The following THSD7B variants were observed in gnomAD, a reference collection of about 807,000 sequenced individuals.
THSD7B encodes thrombospondin type 1 domain containing 7B, also known as thrombospondin type-1 domain-containing protein 7B.
Under a neutral mutation model 213.6 loss-of-function variants are expected in THSD7B, and 138 were observed. The observed-to-expected ratio is 0.65, with a 90% CI of 0.56 to 0.74. THSD7B has a LOEUF of 0.74. Ranked by LOEUF, THSD7B falls within the 30% of genes least tolerant of loss-of-function variation. The probability of loss-of-function intolerance (pLI) is 0.00; values close to 1 mark genes in which losing one functional copy is unlikely to be tolerated. For missense variants in THSD7B, 1,931 were observed against 1,991.5 expected (o/e 0.97, Z 0.58); for synonymous variants, 742 against 687.0 (o/e 1.08, Z -1.25).
At chr2:137,534,905 A>G (rs1214920702) in intron 15 of THSD7B, among the ~76,000 whole-genome samples, 2 of 151,820 alleles carry the variant, frequency 1.3e-5, no homozygotes, top group Admixed American at 1.3e-4. Context: ...TTCACAAGAA[A>G]AATATAGACA....
chr2:136,982,447 A>G (rs1287927345), intron 2 of THSD7B, among the ~76,000 whole-genome samples: 4 of 152,156 alleles, frequency 2.6e-5, no homozygotes, highest in African/African-American at 9.7e-5. Flanking sequence ...CAGGATTATA[A>G]GCATGAACCA....
At chr2:137,524,162 C>T (rs146577396) in intron 15 of THSD7B, among the ~76,000 whole-genome samples, 108 of 152,198 alleles carry the variant, frequency 7.1e-4, no homozygotes, top group African/African-American at 2.4e-3. Flanking sequence ...GGCATCAAGA[C>T]CTCATTTTAA....
At chr2:137,195,666 A>G (rs1019275044) in intron 7 of THSD7B, among the ~76,000 whole-genome samples, 2 of 152,146 alleles carry the variant, frequency 1.3e-5, no homozygotes, top group African/African-American at 4.8e-5. Flanking sequence ...GAATAAATAG[A>G]TAAATAAGTG....
intron 1 of THSD7B, among the ~76,000 whole-genome samples, chr2:136,837,064 G>T (rs1197503695): frequency 6.6e-6 from 1 of 152,110 alleles, no homozygotes; most frequent in Non-Finnish European, 1.5e-5. Context: ...TATCTTCCTA[G>T]GTTGGATTGG....
chr2:136,827,469 G>A (rs990600955), intron 1 of THSD7B, among the ~76,000 whole-genome samples: 2 of 152,166 alleles, frequency 1.3e-5, no homozygotes, highest in Admixed American at 6.6e-5. Flanking sequence ...GAGGATGAAA[G>A]CAGTGTCTTA....
chr2:137,360,839 G>C (rs1685239731), intron 12 of THSD7B, among the ~76,000 whole-genome samples: 2 of 152,194 alleles, frequency 1.3e-5, no homozygotes, highest in Non-Finnish European at 2.9e-5. Flanking sequence ...TTGTCTGACA[G>C]CTCTGAAGAG....
At chr2:136,894,546 G>T (rs1456539134) in intron 2 of THSD7B, among the ~76,000 whole-genome samples, 1 of 152,142 alleles carries the variant, frequency 6.6e-6, no homozygotes, top group Non-Finnish European at 1.5e-5. Context: ...GATATTCTAT[G>T]TTACATACTG....
intron 2 of THSD7B, among the ~76,000 whole-genome samples, chr2:136,974,426 A>G (rs147124977): frequency 0.017 from 2,490 of 150,476 alleles, 35 homozygotes; most frequent in Middle Eastern, 0.02. Flanking sequence ...TTCAGCTCCC[A>G]TTTATAAGTG....
intron 17 of THSD7B, among the ~76,000 whole-genome samples, chr2:137,572,838 A>G (rs1257907396): frequency 3.9e-5 from 6 of 152,144 alleles, no homozygotes; most frequent in Admixed American, 3.3e-4. Flanking sequence ...CTGTGCACCC[A>G]TTGTGAAAGG....
intron 16 of THSD7B, among the ~76,000 whole-genome samples, chr2:137,570,632 G>T (rs62168017): frequency 0.09 from 13,754 of 152,154 alleles, 793 homozygotes; most frequent in Middle Eastern, 0.18. Context: ...GCTCTTTAGC[G>T]TATTGTTATT....
intron 7 of THSD7B, among the ~76,000 whole-genome samples, chr2:137,221,240 T>C (rs1681363338): frequency 6.6e-6 from 1 of 152,094 alleles, no homozygotes; most frequent in African/African-American, 2.4e-5. Flanking sequence ...TGAGCCGAGA[T>C]TGCGCCACTG....
intron 15 of THSD7B, among the ~76,000 whole-genome samples, chr2:137,531,020 C>T (rs367968387): frequency 2.0e-5 from 3 of 152,088 alleles, no homozygotes; most frequent in South Asian, 4.1e-4. Context: ...AAAGCATTTT[C>T]GTAGCCTACA....
chr2:137,581,500 C>G (rs762933036), intron 17 of THSD7B, among the ~76,000 whole-genome samples: 119 of 152,008 alleles, frequency 7.8e-4, no homozygotes, highest in Non-Finnish European at 1.2e-3. Flanking sequence ...AGGCAGGACA[C>G]ACGGGAGGCT....
chr2:137,037,316 G>T (rs1032991298), intron 2 of THSD7B, among the ~76,000 whole-genome samples: 1 of 151,840 alleles, frequency 6.6e-6, no homozygotes, highest in Admixed American at 6.6e-5. Context: ...ATATTAAGAC[G>T]ATCTAAATAT....
At chr2:137,322,774 A>G (rs2104881167) in intron 12 of THSD7B, among the ~76,000 whole-genome samples, 1 of 152,298 alleles carries the variant, frequency 6.6e-6, no homozygotes, top group East Asian at 1.9e-4. Context: ...TGTGCCGTAG[A>G]ATACTCTCTA....
chr2:137,194,285 G>A lies in THSD7B; in HGVS notation c.1723+23347G>A, dbSNP rs200231194. Among the ~76,000 whole-genome samples the A allele has an allele frequency of 2.0e-5, 3 of 152,270 alleles. No individual in the cohort carries two copies. The East Asian group carries it at 5.8e-4, about 29-fold the overall frequency. On this transcript the variant is annotated intron_variant, in intron 7 of 27. Transcript: ENST00000409968. ...AAAGGGGCGTGCTGTAGAAAAGAAAGGGCAGGAGAACTTAGCAGCAGTCCT... is the reference window on the plus strand; with the variant it reads ...AAAGGGGCGTGCTGTAGAAAAGAAAAGGCAGGAGAACTTAGCAGCAGTCCT...
At chr2:137,515,859 A>C (rs1471156530) in intron 15 of THSD7B, among the ~76,000 whole-genome samples, 2 of 152,132 alleles carry the variant, frequency 1.3e-5, no homozygotes, top group Non-Finnish European at 1.5e-5. Flanking sequence ...TGGATTACTC[A>C]CTCCAGACCT....
intron 3 of THSD7B, among the ~76,000 whole-genome samples, chr2:137,060,652 G>C (rs1687253348): frequency 2.0e-5 from 3 of 151,744 alleles, no homozygotes; most frequent in Admixed American, 2.0e-4. Context: ...ATGCTTTTTT[G>C]ACAAAGATCA....
chr2:137,552,872 TG>T (rs563217856), intron 15 of THSD7B, among the ~76,000 whole-genome samples: 104 of 152,156 alleles, frequency 6.8e-4, no homozygotes, highest in African/African-American at 2.4e-3. Context: ...AGAACCCATG[TG>T]GGGGGAAAGT....
Sources: allele counts gnomAD v4.1 joint callset (sites outside exome capture counted in the v4.1 genomes callset), GRCh38; gene constraint gnomAD v4.1.1; transcripts MANE v1.5; gene names NCBI Gene and HGNC (gene_info 2026-07-23, HGNC 2026-07-21).